NCOA1: variants seen among roughly 807,000 people sequenced by gnomAD.
NCOA1 encodes the protein nuclear receptor coactivator 1.
In NCOA1, 35 loss-of-function variants were observed where a neutral mutation model predicts 150.9. That is an observed-to-expected ratio of 0.23 (90% CI 0.18 to 0.31). NCOA1 has a LOEUF of 0.31. Among genes scored for constraint, NCOA1 ranks in the 10% least tolerant of loss-of-function variants. The probability of loss-of-function intolerance (pLI) is 1.00; values close to 1 mark genes in which losing one functional copy is unlikely to be tolerated. For missense variants in NCOA1, 1,491 were observed against 1,749.3 expected (o/e 0.85, Z 2.63); for synonymous variants, 590 against 630.0 (o/e 0.94, Z 0.95).
intron 1 of NCOA1, among the ~76,000 whole-genome samples, chr2:24,516,686 A>G (rs1436253420): frequency 6.6e-6 from 1 of 151,184 alleles, no homozygotes; most frequent in Non-Finnish European, 1.5e-5. Flanking sequence ...TCAGTCTGAT[A>G]CCTGACCCTT....
At chr2:24,625,953 T>G (rs768689354) in intron 3 of NCOA1, among the ~76,000 whole-genome samples, 3 of 152,214 alleles carry the variant, frequency 2.0e-5, no homozygotes, top group African/African-American at 7.2e-5. Context: ...TGAAATTACA[T>G]GTACTCAAAA....
intron 3 of NCOA1, among the ~76,000 whole-genome samples, chr2:24,615,773 C>T (rs1326997399): frequency 6.6e-6 from 1 of 152,098 alleles, no homozygotes; most frequent in Admixed American, 6.6e-5. Flanking sequence ...AGGAGGGTTA[C>T]TCAGCCAAAC....
At chr2:24,592,147 G>T (rs1328969767) in intron 3 of NCOA1, among the ~76,000 whole-genome samples, 2 of 152,100 alleles carry the variant, frequency 1.3e-5, no homozygotes, top group African/African-American at 2.4e-5. Flanking sequence ...TTGAAAAGAC[G>T]AGCATTTGAT....
At chr2:24,731,070 G>C (rs1272271496) in intron 17 of NCOA1, among the ~76,000 whole-genome samples, 1 of 150,582 alleles carries the variant, frequency 6.6e-6, no homozygotes, top group Non-Finnish European at 1.5e-5. Flanking sequence ...GCTGTGGGAA[G>C]GGGGACCTGA....
intron 1 of NCOA1, among the ~76,000 whole-genome samples, chr2:24,531,144 T>C (rs995189948): frequency 6.6e-6 from 1 of 152,148 alleles, no homozygotes; most frequent in Non-Finnish European, 1.5e-5. Context: ...TTGGTAGGAA[T>C]GTAGATTAGT....
chr2:24,691,681 T>C, intron 9 of NCOA1, 21 bp downstream of exon 9: 1 of 1,604,906 alleles, frequency 6.2e-7, no homozygotes, highest in Non-Finnish European at 8.5e-7. Flanking sequence ...ACGGTCTTTT[T>C]AAAGTGTTTA....
Position 24,614,489 on chromosome 2 carries a change from C to G in NCOA1, c.-174-29477C>G, listed in dbSNP as rs749824916. On this transcript the variant is annotated intron_variant, in intron 3 of 22. Transcript: ENST00000348332. ...AAGTGATCTGCCTGCCTCGGCCTTG[C>G]AAAGTGCTGGGATTACAGGTATGAG... is the stretch of plus-strand genomic sequence containing the variant. 2.6e-5 allele frequency among the ~76,000 whole-genome samples: 4 copies of G among 152,042 alleles called. 1 individual carries two copies. The highest frequency in any genetic ancestry group is 3.4e-3 in the Middle Eastern group (1 of 294).
chr2:24,608,427 C>T (rs905778007), intron 3 of NCOA1, among the ~76,000 whole-genome samples: 16 of 151,406 alleles, frequency 1.1e-4, no homozygotes, highest in Admixed American at 4.6e-4. Flanking sequence ...ACTACAAGCA[C>T]GTGCTAATTT....
intron 1 of NCOA1, among the ~76,000 whole-genome samples, chr2:24,545,570 A>G (rs1021603064): frequency 2.6e-5 from 4 of 152,034 alleles, no homozygotes; most frequent in Non-Finnish European, 4.4e-5. Context: ...CCCCTTGAGT[A>G]TGGGCTGCAC....
At chr2:24,538,057 A>T (rs907409247) in intron 1 of NCOA1, among the ~76,000 whole-genome samples, 2 of 152,084 alleles carry the variant, frequency 1.3e-5, no homozygotes, top group South Asian at 2.1e-4. Context: ...TTTTTATTTT[A>T]TTTTTCTTAA....
chr2:24,624,541 A>G (rs984717590), intron 3 of NCOA1, among the ~76,000 whole-genome samples: 1 of 152,062 alleles, frequency 6.6e-6, no homozygotes, highest in East Asian at 1.9e-4. Flanking sequence ...CTGCCTACCA[A>G]CCCTGCTTCC....
At chr2:24,641,920 A>T (rs1283147510) in intron 3 of NCOA1, among the ~76,000 whole-genome samples, 2 of 150,786 alleles carry the variant, frequency 1.3e-5, no homozygotes, top group African/African-American at 4.9e-5. Flanking sequence ...ATTTTCTATC[A>T]TTATTTCCCC....
intron 4 of NCOA1, among the ~76,000 whole-genome samples, chr2:24,651,260 T>C (rs1051341204): frequency 1.3e-5 from 2 of 152,088 alleles, no homozygotes; most frequent in African/African-American, 4.8e-5. Context: ...CCCATGTTCA[T>C]TGCAGCATTA....
At chr2:24,711,182 A>G in intron 14 of NCOA1, 71 bp downstream of exon 14, 1 of 1,396,198 alleles carries the variant, frequency 7.2e-7, no homozygotes, top group Non-Finnish European at 9.7e-7. Flanking sequence ...GTCTCTCACC[A>G]GTATTACACA....
At chr2:24,660,039 G>A (rs905577242) in intron 5 of NCOA1, among the ~76,000 whole-genome samples, 3 of 152,132 alleles carry the variant, frequency 2.0e-5, no homozygotes, top group African/African-American at 7.2e-5. Context: ...GCTCGAGAAA[G>A]AAAAGTGACT....
chr2:24,689,270 G>T (rs1440582260), intron 8 of NCOA1, among the ~76,000 whole-genome samples: 2 of 152,162 alleles, frequency 1.3e-5, no homozygotes, highest in Non-Finnish European at 2.9e-5. Context: ...GTCATTGGTA[G>T]TTTGATAGGA....
chr2:24,661,793 A>AAT (rs1671195981), intron 5 of NCOA1, among the ~76,000 whole-genome samples: 1 of 152,156 alleles, frequency 6.6e-6, no homozygotes, highest in Admixed American at 6.5e-5. Flanking sequence ...TTGCCTTGAT[A>AAT]TGTGATGAAA....
intron 14 of NCOA1, among the ~76,000 whole-genome samples, chr2:24,719,836 AT>A (rs1558313467): frequency 6.6e-6 from 1 of 152,232 alleles, no homozygotes; most frequent in African/African-American, 2.4e-5. Context: ...TTATTGATAG[AT>A]TTATGTCAGA....
intron 15 of NCOA1, among the ~76,000 whole-genome samples, chr2:24,727,274 G>C (rs1025103659): frequency 3.0e-4 from 45 of 151,682 alleles, no homozygotes; most frequent in African/African-American, 9.7e-4. Flanking sequence ...TGTAGCTATT[G>C]TTTTATATTT....
Sources: gnomAD v4.1 joint callset for allele counts (sites outside exome capture counted in the v4.1 genomes callset) on GRCh38, gnomAD v4.1.1 for gene constraint, MANE v1.5 for transcripts, NCBI Gene and HGNC (gene_info 2026-07-23, HGNC 2026-07-21) for gene names.